GPM6A: variants seen among roughly 807,000 people sequenced by gnomAD.
GPM6A encodes the protein glycoprotein M6A, also known as neuronal membrane glycoprotein M6-a.
In GPM6A, 7 loss-of-function variants were observed where a neutral mutation model predicts 32.1. The ratio of observed to expected loss-of-function variants is 0.22; its 90% CI spans 0.12 to 0.41. The LOEUF (loss-of-function observed/expected upper bound fraction) is 0.41. Ranked by LOEUF, GPM6A falls within the 10% of genes least tolerant of loss-of-function variation. The probability of loss-of-function intolerance (pLI) is 1.00; values close to 1 mark genes in which losing one functional copy is unlikely to be tolerated. For synonymous variants in GPM6A, 130 were observed against 123.4 expected (o/e 1.05, Z -0.35); for missense variants, 235 against 347.2 (o/e 0.68, Z 2.57).
At chr4:175,745,211 A>G (rs1579451907) in intron 1 of GPM6A, among the ~76,000 whole-genome samples, 1 of 152,166 alleles carries the variant, frequency 6.6e-6, no homozygotes, top group Non-Finnish European at 1.5e-5. Flanking sequence ...ATCCTGACAT[A>G]CATTAAGTGT....
rs191225688 is a variant in GPM6A, at chr4:175,811,186, A to C, written c.37+1005T>G. ...GTGCTTCCACCCTATATATTTTATC[A>C]CATAAAATACAGTTTTTTACGATAA... On this transcript the variant is annotated intron_variant, in intron 1 of 6. Coordinates refer to ENST00000393658, the MANE Select transcript of GPM6A (RefSeq NM_201591.3). Among the ~76,000 whole-genome samples, 205 of 152,288 alleles carry C rather than the reference A, an allele frequency of 1.3e-3. 1 individual carries two copies. The highest frequency in any genetic ancestry group is 2.5e-3 in the Non-Finnish European group (169 of 68,024).
At chr4:175,875,489 T>G (rs913413165) in intron 1 of GPM6A, among the ~76,000 whole-genome samples, 1 of 152,194 alleles carries the variant, frequency 6.6e-6, no homozygotes, top group Non-Finnish European at 1.5e-5. Context: ...CTAGTGGCAC[T>G]GAGAACCCAT....
intron 1 of GPM6A, among the ~76,000 whole-genome samples, chr4:175,786,048 A>T (rs537619550): frequency 1.3e-5 from 2 of 152,268 alleles, no homozygotes; most frequent in East Asian, 3.9e-4. Context: ...CCAAGCTGTG[A>T]CCCAAGGCAT....
intron 1 of GPM6A, among the ~76,000 whole-genome samples, chr4:175,820,496 C>CTT (rs1296587410): frequency 4.1e-5 from 3 of 72,886 alleles, no homozygotes; most frequent in African/African-American, 8.5e-5. Context: ...TTTTTCTTTT[C>CTT]TTTCTTTTTT....
intron 3 of GPM6A, among the ~76,000 whole-genome samples, chr4:175,658,464 C>T (rs769176352): frequency 3.3e-5 from 5 of 152,018 alleles, no homozygotes; most frequent in Non-Finnish European, 7.4e-5. Flanking sequence ...TTTGTAGAAC[C>T]GTGAAACTAT....
In GPM6A at chr4:175,737,822, A is replaced by C. The variant is rs1232376828; in HGVS notation, c.38-36055T>G. Reference sequence around the variant, plus strand: ...GTACCAGGTTCTTTTTAAACAACCAACTCTTGTATGAACTAATAGAGCAAG... The same window carrying C: ...GTACCAGGTTCTTTTTAAACAACCACCTCTTGTATGAACTAATAGAGCAAG... On this transcript the variant is annotated intron_variant, in intron 1 of 6. Transcript: ENST00000393658. 3.3e-5 allele frequency among the ~76,000 whole-genome samples: 5 copies of C among 152,126 alleles called. No homozygotes were observed. In the East Asian group the frequency reaches 9.7e-4, roughly 30 times the overall value.
At chr4:175,655,024 C>T (rs1158712410) in intron 3 of GPM6A, among the ~76,000 whole-genome samples, 1 of 152,072 alleles carries the variant, frequency 6.6e-6, no homozygotes, top group Admixed American at 6.6e-5. Flanking sequence ...TTCAAAGTAG[C>T]TTGGAACACT....
intron 1 of GPM6A, among the ~76,000 whole-genome samples, chr4:175,901,420 C>G (rs1311131652): frequency 2.0e-5 from 3 of 151,702 alleles, no homozygotes; most frequent in Non-Finnish European, 2.9e-5. Context: ...ATACATACAC[C>G]TACTATGTAC....
intron 1 of GPM6A, among the ~76,000 whole-genome samples, chr4:175,767,024 A>T (rs1479350697): frequency 1.3e-5 from 2 of 152,002 alleles, no homozygotes; most frequent in East Asian, 3.9e-4. Flanking sequence ...GAGCCAATCC[A>T]TTGTTTCAGC....
intron 1 of GPM6A, among the ~76,000 whole-genome samples, chr4:175,981,798 A>G (rs1036959521): frequency 2.0e-5 from 3 of 152,212 alleles, no homozygotes; most frequent in Non-Finnish European, 4.4e-5. Flanking sequence ...TATAAAAAAC[A>G]GCCAAGCCAT....
At chr4:175,710,230 G>A (rs1219602809) in intron 1 of GPM6A, among the ~76,000 whole-genome samples, 1 of 151,236 alleles carries the variant, frequency 6.6e-6, no homozygotes, top group Non-Finnish European at 1.5e-5. Context: ...TTTTCTTTGG[G>A]TAAATTTTCC....
At chr4:175,655,407 A>G (rs1300849395) in intron 3 of GPM6A, among the ~76,000 whole-genome samples, 1 of 152,082 alleles carries the variant, frequency 6.6e-6, no homozygotes, top group Non-Finnish European at 1.5e-5. Context: ...CAAATTGATT[A>G]TGCGTAATCC....
At chr4:175,811,875 G>T in intron 1 of GPM6A, 1 of 206,816 alleles carries the variant, frequency 4.8e-6, no homozygotes, top group Non-Finnish European at 9.6e-6. Flanking sequence ...CCTTGACCCA[G>T]CTCGGCAAGT....
chr4:175,717,232 T>C (rs1745886559), intron 1 of GPM6A, among the ~76,000 whole-genome samples: 1 of 152,220 alleles, frequency 6.6e-6, no homozygotes, highest in African/African-American at 2.4e-5. Context: ...GATCTGATGC[T>C]CTTCCCATGC....
intron 1 of GPM6A, among the ~76,000 whole-genome samples, chr4:175,725,916 C>G (rs1017125841): frequency 6.0e-5 from 9 of 151,178 alleles, no homozygotes; most frequent in Non-Finnish European, 1.2e-4. Context: ...TAATTAACTT[C>G]TATAGCAAGA....
At chr4:175,808,422 GAAAAT>G (rs1734785846) in intron 1 of GPM6A, among the ~76,000 whole-genome samples, 2 of 152,058 alleles carry the variant, frequency 1.3e-5, no homozygotes. Context: ...GAAAAACAAA[GAAAAT>G]AAACCTGTAC....
At chr4:175,913,408 T>C (rs1342355236) in intron 1 of GPM6A, among the ~76,000 whole-genome samples, 4 of 152,180 alleles carry the variant, frequency 2.6e-5, no homozygotes, top group Admixed American at 2.6e-4. Context: ...AGTAACTTGC[T>C]CCCTTTCCCA....
At chr4:175,890,047 G>T (rs1218610651) in intron 1 of GPM6A, among the ~76,000 whole-genome samples, 2 of 152,012 alleles carry the variant, frequency 1.3e-5, no homozygotes, top group African/African-American at 4.8e-5. Flanking sequence ...ATGGCCAAAA[G>T]TTATATAACA....
intron 1 of GPM6A, among the ~76,000 whole-genome samples, chr4:175,905,661 A>T (rs2111498086): frequency 6.6e-6 from 1 of 152,254 alleles, no homozygotes; most frequent in East Asian, 1.9e-4. Context: ...CTTCGGCTCA[A>T]AATAATCCTT....
Sources: allele counts gnomAD v4.1 joint callset (sites outside exome capture counted in the v4.1 genomes callset), GRCh38; gene constraint gnomAD v4.1.1; transcripts MANE v1.5; gene names NCBI Gene and HGNC (gene_info 2026-07-23, HGNC 2026-07-21).